The following LRRC7 variants were observed in gnomAD, a reference collection of about 807,000 sequenced individuals.
LRRC7 encodes the protein leucine rich repeat containing 7.
A neutral mutation model predicts 175.7 loss-of-function variants in LRRC7; 23 were observed. The ratio of observed to expected loss-of-function variants is 0.13; its 90% CI spans 0.09 to 0.19. The LOEUF (loss-of-function observed/expected upper bound fraction) is 0.19, where lower values mean the gene tolerates loss of function less well. Among genes scored for constraint, LRRC7 ranks in the 10% least tolerant of loss-of-function variants. The probability of loss-of-function intolerance (pLI) is 1.00; values close to 1 mark genes in which losing one functional copy is unlikely to be tolerated. For synonymous variants in LRRC7, 685 were observed against 680.9 expected (o/e 1.01, Z -0.09); for missense variants, 1,354 against 1,904.7 (o/e 0.71, Z 5.38).
chr1:69,791,314 A>AC (rs1276473749), intron 3 of LRRC7, among the ~76,000 whole-genome samples: 2 of 151,868 alleles, frequency 1.3e-5, no homozygotes, highest in Non-Finnish European at 2.9e-5. Context: ...CAGATTTTTG[A>AC]CCCCCTTACA....
At position 69,909,639 on chromosome 1, in the gene LRRC7, C is replaced by G. The variant is rs555116396; in HGVS notation, c.648-21868C>G. On this transcript the variant is annotated intron_variant, in intron 7 of 26. Transcript: ENST00000651989. Reference sequence around the variant, plus strand: ...CTTGTAGGGTTTCTGCTGAGAGATCCGCTGTTAGTCTGATGGGCTTCCCTT... The same window carrying G: ...CTTGTAGGGTTTCTGCTGAGAGATCGGCTGTTAGTCTGATGGGCTTCCCTT... Among the ~76,000 whole-genome samples, 6 of 152,262 alleles carry G rather than the reference C, an allele frequency of 3.9e-5. No individual in the cohort carries two copies. In the East Asian group the frequency reaches 1.2e-3, roughly 29 times the overall value.
chr1:69,799,496 T>C (rs1352327753), intron 4 of LRRC7, among the ~76,000 whole-genome samples: 1 of 152,148 alleles, frequency 6.6e-6, no homozygotes, highest in East Asian at 1.9e-4. Context: ...TTACTTAAGA[T>C]AATGGCCTCC....
In LRRC7 at chr1:69,568,384, G is replaced by C. The variant is rs933635810; in HGVS notation, c.-256G>C. On this transcript the variant is annotated 5_prime_UTR_variant, in exon 1 of 27. Transcript: ENST00000651989. ...CCTGCCTCCCCCGCCGGCGCTTCGG[G>C]CTTCCCCTCAGCCGCTTCCCGCGGG... 1 of 204,256 alleles carries C rather than the reference G, an allele frequency of 4.9e-6. No individual in the cohort carries two copies. Among genetic ancestry groups the C allele is most frequent in the African/African-American group, 2.4e-5 (1 of 41,728 alleles). The allele number at this position is 204,256 out of a possible 1,614,324, so 12.7% of individuals were successfully genotyped here.
intron 1 of LRRC7, among the ~76,000 whole-genome samples, chr1:69,586,698 C>G (rs975848215): frequency 6.6e-6 from 1 of 152,028 alleles, no homozygotes; most frequent in African/African-American, 2.4e-5. Flanking sequence ...ACATCAGTGT[C>G]GATTTTGAAA....
At chr1:69,887,884 G>T (rs1179386953) in intron 7 of LRRC7, among the ~76,000 whole-genome samples, 1 of 147,128 alleles carries the variant, frequency 6.8e-6, no homozygotes, top group Non-Finnish European at 1.5e-5. Flanking sequence ...GCTGTGTGAG[G>T]TGTCAGTGTG....
chr1:69,897,671 A>C (rs1481619194), intron 7 of LRRC7, among the ~76,000 whole-genome samples: 7 of 151,580 alleles, frequency 4.6e-5, no homozygotes, highest in Non-Finnish European at 7.4e-5. Flanking sequence ...AAGGGACAGC[A>C]AAGGTTTATA....
chr1:69,964,317 T>G (rs1241533512), intron 8 of LRRC7, among the ~76,000 whole-genome samples: 1 of 152,216 alleles, frequency 6.6e-6, no homozygotes, highest in Non-Finnish European at 1.5e-5. Context: ...TGGGCTATAC[T>G]ACTGTCATTC....
At chr1:70,104,737 G>C (rs908264163) in intron 25 of LRRC7, among the ~76,000 whole-genome samples, 23 of 152,114 alleles carry the variant, frequency 1.5e-4, no homozygotes, top group Non-Finnish European at 2.5e-4. Context: ...AGAGCTATGT[G>C]ATGAGTGAAA....
At chr1:69,872,821 G>C (rs1043793917) in intron 7 of LRRC7, among the ~76,000 whole-genome samples, 7 of 152,054 alleles carry the variant, frequency 4.6e-5, no homozygotes, top group Non-Finnish European at 1.0e-4. Context: ...TTCTTCTACA[G>C]TTTGTTCATT....
chr1:69,800,606 T>C (rs961694954), intron 4 of LRRC7, among the ~76,000 whole-genome samples: 1 of 152,032 alleles, frequency 6.6e-6, no homozygotes, highest in African/African-American at 2.4e-5. Context: ...GAAATTTTGC[T>C]GAATTCCTTT....
At chr1:69,690,755 G>A (rs575326343) in intron 2 of LRRC7, among the ~76,000 whole-genome samples, 7 of 152,256 alleles carry the variant, frequency 4.6e-5, no homozygotes, top group East Asian at 1.9e-4. Context: ...CACCAAGTGC[G>A]GAGATGAAGG....
intron 26 of LRRC7, among the ~76,000 whole-genome samples, chr1:70,110,080 A>G (rs533797036): frequency 5.9e-5 from 9 of 152,316 alleles, no homozygotes; most frequent in Admixed American, 5.2e-4. Flanking sequence ...TTGCAGATGG[A>G]AACATAGGTT....
chr1:69,881,894 A>C lies in LRRC7; in HGVS notation c.647+43611A>C, dbSNP rs542271152. Among the ~76,000 whole-genome samples, 4 of 151,736 alleles carry C rather than the reference A, an allele frequency of 2.6e-5. No individual in the cohort carries two copies. In the East Asian group the frequency reaches 7.7e-4, roughly 29 times the overall value. ...GACCCTGTCTCCAGATTAAAAAAAA[A>C]AAAAAAAGAACAAATACAAGGCACC... On this transcript the variant is annotated intron_variant, in intron 7 of 26. Transcript: ENST00000651989.
rs143020735 is a variant in LRRC7 at position 69,949,928 on chromosome 1, G to A, written c.711+18358G>A. Among the ~76,000 whole-genome samples, 1,242 of 151,972 alleles carry A rather than the reference G, an allele frequency of 8.2e-3. 14 individuals are homozygous for A. The highest frequency in any genetic ancestry group is 0.027 in the African/African-American group (1,137 of 41,466). ...GCGATTGACACTGATTTTTTTAATC[G>A]AATTGAATCTACTTCGTGTCTTCTA... On this transcript the variant is annotated intron_variant, in intron 8 of 26. Coordinates refer to ENST00000651989, the MANE Select transcript of LRRC7 (RefSeq NM_001370785.2).
Position 70,123,278 on chromosome 1 carries a change from T to G in LRRC7, c.*1391T>G, listed in dbSNP as rs993189999. On this transcript the variant is annotated 3_prime_UTR_variant, in exon 27 of 27. Coordinates refer to ENST00000651989, the MANE Select transcript of LRRC7 (RefSeq NM_001370785.2). ...TTCCCGGAGTTGGTTGCATGCATTA[T>G]CTTTCATAATTTTACATAGTTCTTT... The G allele has an allele frequency of 3.3e-5, 5 of 152,160 alleles. No homozygotes were observed. Among genetic ancestry groups the G allele is most frequent in the African/African-American group, 1.2e-4 (5 of 41,456 alleles). The allele number at this position is 152,160 out of a possible 1,614,324, so 9.4% of individuals were successfully genotyped here.
chr1:69,664,102 G>T (rs562385202), intron 1 of LRRC7, among the ~76,000 whole-genome samples: 2 of 152,260 alleles, frequency 1.3e-5, no homozygotes, highest in East Asian at 3.9e-4. Flanking sequence ...ATGACTACCA[G>T]TTCCCTCCAT....
intron 7 of LRRC7, among the ~76,000 whole-genome samples, chr1:69,926,055 T>C (rs1227049692): frequency 6.6e-6 from 1 of 152,118 alleles, no homozygotes; most frequent in Non-Finnish European, 1.5e-5. Flanking sequence ...CATTTTGTTA[T>C]GTACCCAGTA....
chr1:69,726,590 T>A (rs969183343), intron 2 of LRRC7, among the ~76,000 whole-genome samples: 3 of 152,080 alleles, frequency 2.0e-5, no homozygotes, highest in Non-Finnish European at 4.4e-5. Context: ...AGAACAGAGA[T>A]CTGGGCTAAA....
intron 7 of LRRC7, among the ~76,000 whole-genome samples, chr1:69,916,048 A>C (rs1570635787): frequency 7.4e-6 from 1 of 136,026 alleles, no homozygotes. Context: ...ATTTATATAT[A>C]TATTTTATAT....
Sources: allele counts gnomAD v4.1 joint callset (sites outside exome capture counted in the v4.1 genomes callset), GRCh38; gene constraint gnomAD v4.1.1; transcripts MANE v1.5; gene names NCBI Gene and HGNC (gene_info 2026-07-23, HGNC 2026-07-21).